Variants in ADAMTSL1 observed in about 807,000 individuals in gnomAD.
The protein encoded by ADAMTSL1 is ADAMTS-like protein 1.
In ADAMTSL1, 126 loss-of-function variants were observed where a neutral mutation model predicts 201.8. That is an observed-to-expected ratio of 0.62 (90% CI 0.54 to 0.72). ADAMTSL1 has a LOEUF of 0.72. ADAMTSL1 is among the 30% of genes least tolerant of loss of function. The pLI is 0.00. For synonymous variants in ADAMTSL1, 1,121 were observed against 903.4 expected, an observed-to-expected ratio of 1.24 and a Z score of -4.32; for missense variants, 2,679 against 2,277.8, an observed-to-expected ratio of 1.18 and a Z score of -3.59.
intron 23 of ADAMTSL1, among the ~76,000 whole-genome samples, chr9:18,848,399 A>C (rs1343929050): frequency 1.3e-5 from 2 of 152,226 alleles, no homozygotes; most frequent in African/African-American, 4.8e-5. Flanking sequence ...AGAATATTTT[A>C]ATCTGACATT....
At chr9:18,883,042 C>T (rs370515745) in intron 23 of ADAMTSL1, among the ~76,000 whole-genome samples, 13 of 150,494 alleles carry the variant, frequency 8.6e-5, no homozygotes, top group African/African-American at 3.2e-4. Context: ...GCTGGGTCAG[C>T]ACACAAGTAG....
chr9:18,812,282 G>A (rs1007133985), intron 20 of ADAMTSL1, among the ~76,000 whole-genome samples: 2 of 152,118 alleles, frequency 1.3e-5, no homozygotes, highest in African/African-American at 2.4e-5. Flanking sequence ...ACACAACTGT[G>A]CCCAGCTAAT....
intron 16 of ADAMTSL1, 68 bp from the exon 17 acceptor site, chr9:18,770,534 G>C (rs1820630379): frequency 6.9e-7 from 1 of 1,444,980 alleles, no homozygotes; most frequent in South Asian, 1.4e-5. Context: ...ATTAAGATAA[G>C]AATTAGCAGT....
At chr9:17,962,677 G>A (rs531284748) in intron 1 of ADAMTSL1, among the ~76,000 whole-genome samples, 57 of 152,246 alleles carry the variant, frequency 3.7e-4, no homozygotes, top group Admixed American at 1.2e-3. Context: ...GAAATTCATT[G>A]GACCAATTAC....
chr9:18,828,689 TATATAAA>T (rs1824768743), intron 22 of ADAMTSL1, among the ~76,000 whole-genome samples: 3 of 108,938 alleles, frequency 2.8e-5, no homozygotes, highest in African/African-American at 9.2e-5. Flanking sequence ...TATATATATA[TATATAAA>T]ATGTGTGTGT....
At chr9:18,860,525 G>T (rs1446956294) in intron 23 of ADAMTSL1, among the ~76,000 whole-genome samples, 2 of 148,694 alleles carry the variant, frequency 1.3e-5, no homozygotes, top group Admixed American at 1.3e-4. Context: ...AAAAAAAATT[G>T]CCAACTCCTG....
At chr9:17,946,671 G>A (rs1827501260) in intron 1 of ADAMTSL1, among the ~76,000 whole-genome samples, 1 of 152,076 alleles carries the variant, frequency 6.6e-6, no homozygotes, top group Admixed American at 6.6e-5. Flanking sequence ...TTATTCCAAA[G>A]TGAAGTTTGA....
At chr9:18,033,791 C>T (rs1821077753) in intron 1 of ADAMTSL1, among the ~76,000 whole-genome samples, 1 of 152,232 alleles carries the variant, frequency 6.6e-6, no homozygotes, top group African/African-American at 2.4e-5. Context: ...TGAGTATACC[C>T]ATTAACCTGA....
intron 26 of ADAMTSL1, 33 bp from the exon 27 acceptor site, chr9:18,905,749 A>G: frequency 6.4e-7 from 1 of 1,573,314 alleles, no homozygotes; most frequent in South Asian, 1.1e-5. Flanking sequence ...GACTTGGCTA[A>G]TGTGCGGTAT....
intron 14 of ADAMTSL1, chr9:18,718,612 C>T (rs1430837732): frequency 7.9e-6 from 3 of 381,976 alleles, no homozygotes; most frequent in Middle Eastern, 6.1e-4. Flanking sequence ...TTGCTACTCT[C>T]GGCACCACAG....
At chr9:18,638,799 T>C (rs1416890090) in intron 6 of ADAMTSL1, among the ~76,000 whole-genome samples, 1 of 152,100 alleles carries the variant, frequency 6.6e-6, no homozygotes, top group Non-Finnish European at 1.5e-5. Context: ...AAACACAGGC[T>C]AATGCACGAA....
At chr9:18,327,398 A>G (rs2132886574) in intron 2 of ADAMTSL1, among the ~76,000 whole-genome samples, 1 of 152,262 alleles carries the variant, frequency 6.6e-6, no homozygotes, top group Middle Eastern at 3.4e-3. Flanking sequence ...CTTTCTCTTT[A>G]TTTTGGGGTA....
At chr9:17,960,396 C>T (rs1437539561) in intron 1 of ADAMTSL1, among the ~76,000 whole-genome samples, 1 of 152,174 alleles carries the variant, frequency 6.6e-6, no homozygotes, top group Non-Finnish European at 1.5e-5. Context: ...AGATTCTATA[C>T]TGTGAAAGAA....
chr9:18,629,500 G>C (rs1480222219), intron 5 of ADAMTSL1, among the ~76,000 whole-genome samples: 1 of 152,112 alleles, frequency 6.6e-6, no homozygotes, highest in Non-Finnish European at 1.5e-5. Flanking sequence ...AACTGACAAA[G>C]TCCTGTGGTT....
intron 2 of ADAMTSL1, among the ~76,000 whole-genome samples, chr9:18,398,000 G>A (rs1318379102): frequency 6.6e-6 from 1 of 152,158 alleles, no homozygotes; most frequent in Non-Finnish European, 1.5e-5. Context: ...GTACAGTATT[G>A]TCTTGCTCAG....
chr9:18,101,085 G>A (rs2131847744), intron 1 of ADAMTSL1, among the ~76,000 whole-genome samples: 1 of 152,226 alleles, frequency 6.6e-6, no homozygotes, highest in Middle Eastern at 3.4e-3. Context: ...TGTCATCTGT[G>A]TTGATACATT....
intron 3 of ADAMTSL1, among the ~76,000 whole-genome samples, chr9:18,556,676 C>T (rs1821127494): frequency 6.6e-6 from 1 of 151,918 alleles, no homozygotes; most frequent in Admixed American, 6.6e-5. Flanking sequence ...GCTCCAAGAT[C>T]AACAAACTAA....
intron 2 of ADAMTSL1, among the ~76,000 whole-genome samples, chr9:18,399,954 A>G (rs369661192): frequency 7.2e-5 from 11 of 152,244 alleles, no homozygotes; most frequent in African/African-American, 2.6e-4. Context: ...AACAACAACA[A>G]CAAAACTAGT....
At chr9:18,511,888 C>T (rs1236224308) in intron 2 of ADAMTSL1, among the ~76,000 whole-genome samples, 1 of 152,006 alleles carries the variant, frequency 6.6e-6, no homozygotes, top group Non-Finnish European at 1.5e-5. Context: ...TCATAACATC[C>T]AATTAAGATT....
Sources: gnomAD v4.1 joint callset for allele counts (sites outside exome capture counted in the v4.1 genomes callset) on GRCh38, gnomAD v4.1.1 for gene constraint, MANE v1.5 for transcripts, NCBI Gene and HGNC (gene_info 2026-07-23, HGNC 2026-07-21) for gene names.